Variants in LURAP1L observed in about 807,000 individuals in gnomAD.
LURAP1L encodes the protein leucine rich adaptor protein 1 like.
LURAP1L carries 12 observed loss-of-function variants against 13.8 expected under a neutral mutation model. The observed-to-expected ratio is 0.87, with a 90% CI of 0.56 to 1.41. The LOEUF is 1.41. LURAP1L is among the 40% of genes most tolerant of loss of function. The pLI is 0.00. For synonymous variants in LURAP1L, 139 were observed against 119.2 expected (o/e 1.17, Z -1.08); for missense variants, 375 against 292.9 (o/e 1.28, Z -2.04).
In LURAP1L at chr9:12,775,724, C is replaced by G. The variant is rs769020973; in HGVS notation, c.9C>G (p.Asp3Glu). The G allele has an allele frequency of 1.9e-6, 3 of 1,577,504 alleles. No individual in the cohort carries two copies. The highest frequency in any genetic ancestry group is 2.6e-6 in the Non-Finnish European group (3 of 1,166,990). Residue 3 changes from aspartate (D) to glutamate (E), a missense_variant, in exon 1 of 2, where the codon GAC becomes GAG. Physicochemically the swap from Asp to Glu is conservative, Grantham distance 45. Transcript: ENST00000319264. ...GCCGTTCCGGAAAAGTCATGGAAGACAGCCCGCTGCCAGACCTCAGAGACA... is the reference window on the plus strand; with the variant it reads ...GCCGTTCCGGAAAAGTCATGGAAGAGAGCCCGCTGCCAGACCTCAGAGACA... ME[D>E]SPLPDLRDIE...
At chr9:12,820,982 T>A (rs973028507) in intron 1 of LURAP1L, among the ~76,000 whole-genome samples, 7 of 152,176 alleles carry the variant, frequency 4.6e-5, no homozygotes, top group Admixed American at 6.5e-5. Flanking sequence ...TGAGGATGAC[T>A]CCTTAATTTG....
In LURAP1L at chr9:12,775,651, T is replaced by G; in HGVS notation, c.-65T>G. The G allele has an allele frequency of 6.6e-7, 1 of 1,516,748 alleles. No individual in the cohort carries two copies. Among genetic ancestry groups the G allele is most frequent in the East Asian group, 2.3e-5 (1 of 43,840 alleles). The allele number at this position is 1,516,748 out of a possible 1,614,324, so 94.0% of individuals were successfully genotyped here. A position where few individuals can be genotyped will look rare whatever the true frequency, so the allele number is the denominator to read the frequency against. On this transcript the variant is annotated 5_prime_UTR_variant, in exon 1 of 2. Coordinates refer to ENST00000319264, the MANE Select transcript of LURAP1L (RefSeq NM_203403.2). Reference sequence around the variant, plus strand: ...GAGGTCTGCTGATTTCGCAGCAGCCTTCGAAGCCGTGGCTGCCTTTCATCT... The same window carrying G: ...GAGGTCTGCTGATTTCGCAGCAGCCGTCGAAGCCGTGGCTGCCTTTCATCT...
rs771702525 is a variant in LURAP1L at position 12,775,808 on chromosome 9, G to A, written c.93G>A (p.Glu31=). The change falls in exon 1 of 2, where the codon GAG becomes GAA. Residue 31 remains glutamate, a synonymous_variant. Coordinates refer to ENST00000319264, the MANE Select transcript of LURAP1L (RefSeq NM_203403.2). ...GTCTAGTGCGCTCTCTCCGTGGGGAGGAGCCGGTTCCCAGGGAAAGGGACA... is the reference window on the plus strand; with the variant it reads ...GTCTAGTGCGCTCTCTCCGTGGGGAAGAGCCGGTTCCCAGGGAAAGGGACA... ...PESLVRSLRG[E]EPVPRERDRD... is the part of the protein sequence containing the mutation. The A allele has an allele frequency of 2.5e-6, 4 of 1,608,046 alleles. No homozygotes were observed. Among genetic ancestry groups the A allele is most frequent in the Non-Finnish European group, 3.4e-6 (4 of 1,178,176 alleles).
At position 12,775,943 on chromosome 9, in the gene LURAP1L, C is replaced by G; in HGVS notation, c.228C>G (p.Ser76=). The change falls in exon 1 of 2, where the codon TCC becomes TCG. Residue 76 remains serine (S), a synonymous_variant. Coordinates refer to ENST00000319264, the MANE Select transcript of LURAP1L (RefSeq NM_203403.2). ...CCTTGTCGTCCTCCTCTTCGTCCTC[C>G]CCAACCTCTGGCTCCCCACGAGGTA... ...PPSLSSSSSS[S]PTSGSPRGSH... 6.3e-7 allele frequency: 1 copy of G among 1,585,710 alleles called. No homozygotes were observed. The highest frequency in any genetic ancestry group is 8.6e-7 in the Non-Finnish European group (1 of 1,166,004).
intron 1 of LURAP1L, among the ~76,000 whole-genome samples, chr9:12,812,757 C>T (rs1000749137): frequency 1.3e-3 from 193 of 152,016 alleles, no homozygotes; most frequent in African/African-American, 4.4e-3. Context: ...TGCTGAACAA[C>T]TCTGCATTAT....
At chr9:12,810,231 A>G (rs1464259188) in intron 1 of LURAP1L, among the ~76,000 whole-genome samples, 2 of 152,102 alleles carry the variant, frequency 1.3e-5, no homozygotes, top group Non-Finnish European at 2.9e-5. Flanking sequence ...TGCCCCTGAG[A>G]CTGGGTCCCT....
chr9:12,795,559 G>C (rs1819501302), intron 1 of LURAP1L, among the ~76,000 whole-genome samples: 1 of 152,108 alleles, frequency 6.6e-6, no homozygotes, highest in East Asian at 1.9e-4. Flanking sequence ...GATTGATTGA[G>C]ACAGTTGTGA....
chr9:12,798,945 G>A (rs1020937229), intron 1 of LURAP1L, among the ~76,000 whole-genome samples: 1 of 152,078 alleles, frequency 6.6e-6, no homozygotes, highest in South Asian at 2.1e-4. Flanking sequence ...GTCAGTCTCT[G>A]TTTAACTTCA....
intron 1 of LURAP1L, among the ~76,000 whole-genome samples, chr9:12,810,882 AAAAAC>A (rs200268159): frequency 0.011 from 1,736 of 152,304 alleles, 31 homozygotes; most frequent in Non-Finnish European, 0.013. Flanking sequence ...ACACCACATG[AAAAAC>A]AAAACAAAAC....
At chr9:12,805,294 T>C (rs1390350861) in intron 1 of LURAP1L, among the ~76,000 whole-genome samples, 1 of 152,170 alleles carries the variant, frequency 6.6e-6, no homozygotes, top group African/African-American at 2.4e-5. Context: ...ACTCTAATAT[T>C]AGAAAAAGCT....
intron 1 of LURAP1L, among the ~76,000 whole-genome samples, chr9:12,793,524 T>C (rs1463547733): frequency 6.6e-6 from 1 of 152,092 alleles, no homozygotes; most frequent in Non-Finnish European, 1.5e-5. Flanking sequence ...TCCAACAATG[T>C]TACAATTTAC....
chr9:12,782,123 A>G (rs1004578159), intron 1 of LURAP1L, among the ~76,000 whole-genome samples: 2 of 152,054 alleles, frequency 1.3e-5, no homozygotes, highest in African/African-American at 2.4e-5. Context: ...TTTCCTACTG[A>G]GTTGTTTGAG....
chr9:12,790,011 T>G (rs1388927263), intron 1 of LURAP1L, among the ~76,000 whole-genome samples: 1 of 152,214 alleles, frequency 6.6e-6, no homozygotes, highest in South Asian at 2.1e-4. Context: ...ATTTTATCAC[T>G]TAGATTGGTG....
chr9:12,809,429 A>G, intron 1 of LURAP1L, among the ~76,000 whole-genome samples: 1 of 152,162 alleles, frequency 6.6e-6, no homozygotes, highest in East Asian at 1.9e-4. Flanking sequence ...CATCAAAGGC[A>G]TTATTTATGT....
At chr9:12,778,275 C>T (rs1054217725) in intron 1 of LURAP1L, among the ~76,000 whole-genome samples, 2 of 151,956 alleles carry the variant, frequency 1.3e-5, no homozygotes, top group African/African-American at 4.8e-5. Context: ...TCTTCCCCGG[C>T]AAAAAGGCTT....
intron 1 of LURAP1L, among the ~76,000 whole-genome samples, chr9:12,801,755 A>C (rs1237996360): frequency 6.6e-6 from 1 of 152,198 alleles, no homozygotes; most frequent in Non-Finnish European, 1.5e-5. Context: ...ATGTTCCAAA[A>C]AGGGAGAATA....
At chr9:12,810,673 A>T (rs1819724474) in intron 1 of LURAP1L, among the ~76,000 whole-genome samples, 1 of 152,236 alleles carries the variant, frequency 6.6e-6, no homozygotes, top group South Asian at 2.1e-4. Flanking sequence ...TATTATTAAT[A>T]TTCCTAAAGC....
At chr9:12,777,754 T>G (rs907772741) in intron 1 of LURAP1L, 1 of 202,652 alleles carries the variant, frequency 4.9e-6, no homozygotes, top group East Asian at 1.9e-4. Flanking sequence ...GATCATTTTC[T>G]GACAAAAATA....
chr9:12,802,834 C>T (rs1014925419), intron 1 of LURAP1L, among the ~76,000 whole-genome samples: 1 of 152,108 alleles, frequency 6.6e-6, no homozygotes, highest in Non-Finnish European at 1.5e-5. Context: ...TTTTCCTCTA[C>T]CAACACCTGC....
Sources: gnomAD v4.1 joint callset for allele counts (sites outside exome capture counted in the v4.1 genomes callset) on GRCh38, gnomAD v4.1.1 for gene constraint, MANE v1.5 for transcripts, NCBI Gene and HGNC (gene_info 2026-07-23, HGNC 2026-07-21) for gene names.